Variants in GRIN2A observed in about 807,000 individuals in gnomAD.
GRIN2A encodes glutamate ionotropic receptor NMDA type subunit 2A, also known as glutamate receptor ionotropic, NMDA 2A.
GRIN2A carries 22 observed loss-of-function variants against 113.4 expected under a neutral mutation model. The ratio of observed to expected loss-of-function variants is 0.19; its 90% CI spans 0.14 to 0.28. The LOEUF is 0.28. Ranked by LOEUF, GRIN2A falls within the 10% of genes least tolerant of loss-of-function variation. The probability of loss-of-function intolerance (pLI) is 1.00; values close to 1 mark genes in which losing one functional copy is unlikely to be tolerated. For missense variants in GRIN2A, 1,502 were observed against 1,887.0 expected, an observed-to-expected ratio of 0.80 and a Z score of 3.78; for synonymous variants, 827 against 738.4, an observed-to-expected ratio of 1.12 and a Z score of -1.94.
At chr16:9,972,032 A>G (rs919111404) in intron 2 of GRIN2A, among the ~76,000 whole-genome samples, 1 of 152,162 alleles carries the variant, frequency 6.6e-6, no homozygotes, top group African/African-American at 2.4e-5. Context: ...AGAGACCTGG[A>G]AGTCCACGGC....
At chr16:10,124,593 TTCCAGGTGG>T (rs2048893576) in intron 2 of GRIN2A, among the ~76,000 whole-genome samples, 1 of 152,166 alleles carries the variant, frequency 6.6e-6, no homozygotes, top group South Asian at 2.1e-4. Flanking sequence ...CAAGAGGTTT[TTCCAGGTGG>T]TCCAGGTGAG....
At chr16:10,044,022 T>TATATATAGAGAGAGAG (rs531659457) in intron 2 of GRIN2A, among the ~76,000 whole-genome samples, 9 of 108,002 alleles carry the variant, frequency 8.3e-5, no homozygotes, top group South Asian at 8.1e-4. Flanking sequence ...TATATATATA[T>TATATATAGAGAGAGAG]AGAGAGAGAG....
chr16:9,988,532 G>A (rs1192849591), intron 2 of GRIN2A, among the ~76,000 whole-genome samples: 1 of 150,238 alleles, frequency 6.7e-6, no homozygotes, highest in Non-Finnish European at 1.5e-5. Context: ...TTCTCTGTGT[G>A]TACCAATTAA....
intron 4 of GRIN2A, among the ~76,000 whole-genome samples, chr16:9,862,804 C>T (rs1201701921): frequency 6.6e-6 from 1 of 152,202 alleles, no homozygotes; most frequent in African/African-American, 2.4e-5. Context: ...AAAAAAGGAG[C>T]TCTTTCATAA....
intron 11 of GRIN2A, among the ~76,000 whole-genome samples, chr16:9,779,028 A>G (rs991653846): frequency 6.6e-6 from 1 of 152,240 alleles, no homozygotes; most frequent in South Asian, 2.1e-4. Context: ...TGCATCACAC[A>G]AGGCAAGAAT....
chr16:10,103,607 T>A (rs941919183), intron 2 of GRIN2A, among the ~76,000 whole-genome samples: 1 of 152,118 alleles, frequency 6.6e-6, no homozygotes, highest in Admixed American at 6.5e-5. Flanking sequence ...GATAAGAATA[T>A]CGCCAGAAGT....
chr16:9,762,963 C>T lies in GRIN2A; in HGVS notation c.*186G>A. The T allele has an allele frequency of 1.5e-6, 1 of 650,464 alleles. No individual in the cohort carries two copies. The highest frequency in any genetic ancestry group is 2.6e-5 in the Admixed American group (1 of 38,288). 40.3% of individuals were successfully genotyped at this position (650,464 alleles called of 1,614,324 possible). ...TCTGCCATGCTCAGCACACACCTCA[C>T]AAGATTCCTTGAGTGGAAGATTATG... On this transcript the variant is annotated 3_prime_UTR_variant, in exon 13 of 13. Coordinates refer to ENST00000330684, the MANE Select transcript of GRIN2A (RefSeq NM_001134407.3).
At chr16:9,975,594 C>T (rs2141755018) in intron 2 of GRIN2A, among the ~76,000 whole-genome samples, 1 of 152,262 alleles carries the variant, frequency 6.6e-6, no homozygotes, top group African/African-American at 2.4e-5. Context: ...CAACAGAAAA[C>T]TAACAGAGCA....
At chr16:9,961,333 G>A (rs1011545085) in intron 2 of GRIN2A, among the ~76,000 whole-genome samples, 1 of 152,106 alleles carries the variant, frequency 6.6e-6, no homozygotes. Flanking sequence ...GGGGGTGCAG[G>A]GGTGGGGGAT....
intron 2 of GRIN2A, among the ~76,000 whole-genome samples, chr16:10,005,408 TTA>T (rs1567229669): frequency 6.6e-6 from 1 of 152,198 alleles, no homozygotes. Context: ...ATTACTCACA[TTA>T]ACTGCTATTT....
intron 2 of GRIN2A, among the ~76,000 whole-genome samples, chr16:10,063,162 G>C (rs1475667787): frequency 6.6e-6 from 1 of 152,164 alleles, no homozygotes; most frequent in Admixed American, 6.6e-5. Context: ...TTATAAGTGA[G>C]AGCTAAACAC....
chr16:9,855,698 T>C (rs1235908771), intron 4 of GRIN2A, among the ~76,000 whole-genome samples: 1 of 152,202 alleles, frequency 6.6e-6, no homozygotes, highest in African/African-American at 2.4e-5. Flanking sequence ...GTGGCACTCC[T>C]TACTTGACAT....
intron 3 of GRIN2A, among the ~76,000 whole-genome samples, chr16:9,933,380 C>T (rs1180608910): frequency 1.3e-5 from 2 of 152,228 alleles, no homozygotes; most frequent in African/African-American, 4.8e-5. Flanking sequence ...TCCATGAGGA[C>T]CACCAAGTGG....
intron 2 of GRIN2A, among the ~76,000 whole-genome samples, chr16:10,107,804 C>G (rs1318573341): frequency 6.6e-6 from 1 of 152,168 alleles, no homozygotes; most frequent in East Asian, 1.9e-4. Flanking sequence ...TCATAAGCAA[C>G]AAAAAGAAGA....
chr16:9,778,307 C>G (rs1310913433), intron 11 of GRIN2A, among the ~76,000 whole-genome samples: 2 of 152,194 alleles, frequency 1.3e-5, no homozygotes, highest in Non-Finnish European at 2.9e-5. Flanking sequence ...CCAAGCACTT[C>G]TGGAATCTGC....
chr16:9,897,462 C>A (rs1302820376), intron 3 of GRIN2A, among the ~76,000 whole-genome samples: 1 of 152,020 alleles, frequency 6.6e-6, no homozygotes, highest in African/African-American at 2.4e-5. Flanking sequence ...TCTCACTAGG[C>A]CTGCTATCAC....
At chr16:10,047,369 G>A (rs890341605) in intron 2 of GRIN2A, among the ~76,000 whole-genome samples, 2 of 152,180 alleles carry the variant, frequency 1.3e-5, no homozygotes, top group African/African-American at 4.8e-5. Context: ...ATCATTTTCA[G>A]AATTCAGTAA....
At chr16:10,179,893 C>CCAAAACAAAAA in intron 2 of GRIN2A, 105 bp downstream of exon 2, 1 of 719,818 alleles carries the variant, frequency 1.4e-6, no homozygotes, top group Non-Finnish European at 2.4e-6. Flanking sequence ...CCCCCACCCC[C>CCAAAACAAAAA]ACTTCACATC....
rs1441873311 is a variant in GRIN2A, at chr16:9,755,117, T to G, written c.*8032A>C. 5.0e-6 allele frequency: 1 copy of G among 198,134 alleles called. No homozygotes were observed. The highest frequency in any genetic ancestry group is 1.0e-5 in the Non-Finnish European group (1 of 95,674). The allele number at this position is 198,134 out of a possible 1,614,324, so 12.3% of individuals were successfully genotyped here. ...TAGGATTGCAAAAATGCAAACTCAT[T>G]GTTTCACTGACATAGTAAGTAAGAG... On this transcript the variant is annotated 3_prime_UTR_variant, in exon 13 of 13. Coordinates refer to ENST00000330684, the MANE Select transcript of GRIN2A (RefSeq NM_001134407.3).
Sources: gnomAD v4.1 joint callset for allele counts (sites outside exome capture counted in the v4.1 genomes callset) on GRCh38, gnomAD v4.1.1 for gene constraint, MANE v1.5 for transcripts, NCBI Gene and HGNC (gene_info 2026-07-23, HGNC 2026-07-21) for gene names.